The following RYR3 variants were observed in gnomAD, a reference collection of about 807,000 sequenced individuals.
The protein encoded by RYR3 is brain ryanodine receptor-calcium release channel.
RYR3 carries 207 observed loss-of-function variants against 584.3 expected under a neutral mutation model. The ratio of observed to expected loss-of-function variants is 0.35; its 90% CI spans 0.32 to 0.40. The LOEUF (loss-of-function observed/expected upper bound fraction) is 0.40, where lower values mean the gene tolerates loss of function less well. Ranked by LOEUF, RYR3 falls within the 10% of genes least tolerant of loss-of-function variation. RYR3 has a pLI of 1.00. For missense variants in RYR3, 5,616 were observed against 6,089.2 expected, an observed-to-expected ratio of 0.92 and a Z score of 2.59; for synonymous variants, 2,416 against 2,248.5, an observed-to-expected ratio of 1.07 and a Z score of -2.11.
Position 33,412,148 on chromosome 15 carries a change from A to G in RYR3, c.52-61271A>G, listed in dbSNP as rs2043455437. On this transcript the variant is annotated intron_variant, in intron 1 of 103. Coordinates refer to ENST00000634891, the MANE Select transcript of RYR3 (RefSeq NM_001036.6). The surrounding 1 kb of genome is among the most constrained non-coding windows in gnomAD (Gnocchi z 4.3). ...CTTAGGCGAGTAAGAGATTATAAAT[A>G]TTATCATTGAAATGAGGTAGGCTTA... Among the ~76,000 whole-genome samples the G allele has an allele frequency of 6.6e-6, 1 of 152,152 alleles. No individual in the cohort carries two copies. The highest frequency in any genetic ancestry group is 2.4e-5 in the African/African-American group (1 of 41,430).
chr15:33,812,086 G>A (rs1481555109), intron 72 of RYR3, among the ~76,000 whole-genome samples: 1 of 152,102 alleles, frequency 6.6e-6, no homozygotes, highest in Non-Finnish European at 1.5e-5. Context: ...AGAGGAGTGT[G>A]GGACCTAATT....
chr15:33,803,993 C>T (rs1482497018), intron 69 of RYR3, among the ~76,000 whole-genome samples: 1 of 152,172 alleles, frequency 6.6e-6, no homozygotes, highest in East Asian at 1.9e-4. Flanking sequence ...TGCTCAAGGT[C>T]CTTGGGTTTA....
At chr15:33,416,595 TCA>T (rs1567194789) in intron 1 of RYR3, among the ~76,000 whole-genome samples, 1 of 152,234 alleles carries the variant, frequency 6.6e-6, no homozygotes, top group Admixed American at 6.5e-5. Flanking sequence ...TAGTCCTTTG[TCA>T]GATGCACAGT....
intron 30 of RYR3, among the ~76,000 whole-genome samples, chr15:33,647,988 CAAAAAA>C (rs3085194): frequency 2.0e-5 from 2 of 98,326 alleles, no homozygotes; most frequent in Non-Finnish European, 2.0e-5. Context: ...TAGCATCTGG[CAAAAAA>C]AAAAAAAAAA....
intron 38 of RYR3, among the ~76,000 whole-genome samples, chr15:33,686,717 G>T (rs2065035916): frequency 6.6e-6 from 1 of 152,104 alleles, no homozygotes; most frequent in Non-Finnish European, 1.5e-5. Context: ...ACATCAAAAA[G>T]CTTATCCAAT....
intron 3 of RYR3, among the ~76,000 whole-genome samples, chr15:33,515,057 A>G (rs1038462872): frequency 6.6e-6 from 1 of 152,198 alleles, no homozygotes; most frequent in Non-Finnish European, 1.5e-5. Context: ...TACATAATGT[A>G]CCTAGTTTCA....
At chr15:33,315,996 C>T (rs1968119128) in intron 1 of RYR3, among the ~76,000 whole-genome samples, 1 of 151,886 alleles carries the variant, frequency 6.6e-6, no homozygotes, top group African/African-American at 2.4e-5. Context: ...TCTTATGCTA[C>T]TATGATTATT....
intron 1 of RYR3, among the ~76,000 whole-genome samples, chr15:33,346,969 T>G (rs1972536906): frequency 6.6e-6 from 1 of 152,122 alleles, no homozygotes; most frequent in African/African-American, 2.4e-5. Flanking sequence ...CTGGGCATGG[T>G]GGTGGACAGA....
Position 33,838,653 on chromosome 15 carries a change from A to C in RYR3, c.12673A>C (p.Asn4225His). Residue 4225 changes from asparagine (N) to histidine (H), a missense_variant, in exon 89 of 104, where the codon AAC becomes CAC. Around this residue, in one of 9 missense-constraint regions of RYR3, gnomAD observed 918 missense variants for 887.4 expected, o/e 1.03. Transcript: ENST00000634891. The part of the protein sequence containing the change: ...FGGGLVEGAK[N>H]IRVTKILGDM... ...AGGGGGCCTGGTAGAAGGGGCAAAG[A>C]ACATCAGAGTGACCAAGATCCTGGG... 1 of 1,613,958 alleles carries C rather than the reference A, an allele frequency of 6.2e-7. No individual in the cohort carries two copies. Among genetic ancestry groups the C allele is most frequent in the Non-Finnish European group, 8.5e-7 (1 of 1,179,876 alleles).
Position 33,694,467 on chromosome 15 carries a change from T to A in RYR3, c.5861-1751T>A, listed in dbSNP as rs944950815. 9.9e-5 allele frequency among the ~76,000 whole-genome samples: 15 copies of A among 152,192 alleles called. No homozygotes were observed. In the East Asian group the frequency reaches 2.3e-3, roughly 24 times the overall value. ...CACCGTGTTAGCCAGGATAGTCTCC[T>A]TCTCCTGACCTCGTGATCCACCCAC... On this transcript the variant is annotated intron_variant, in intron 38 of 103. Transcript: ENST00000634891.
chr15:33,820,673 C>T (rs1407758239), intron 77 of RYR3, 83 bp from the exon 78 acceptor site: 8 of 1,240,818 alleles, frequency 6.4e-6, no homozygotes, highest in Middle Eastern at 1.9e-4. Flanking sequence ...CGTCCTGTCC[C>T]CTGCCCTTGT....
At chr15:33,315,430 A>G (rs989860176) in intron 1 of RYR3, among the ~76,000 whole-genome samples, 1 of 152,188 alleles carries the variant, frequency 6.6e-6, no homozygotes, top group Non-Finnish European at 1.5e-5. Flanking sequence ...CAATGGAGGT[A>G]GTGCTAAAAT....
chr15:33,426,287 ATTTT>A (rs757278733), intron 1 of RYR3, among the ~76,000 whole-genome samples: 1 of 152,022 alleles, frequency 6.6e-6, no homozygotes, highest in African/African-American at 2.4e-5. Flanking sequence ...AAAAATGTTA[ATTTT>A]TTTTAAGAAA....
chr15:33,561,583 G>A (rs1454574228), intron 10 of RYR3, among the ~76,000 whole-genome samples: 3 of 152,158 alleles, frequency 2.0e-5, no homozygotes, highest in Admixed American at 6.5e-5. Flanking sequence ...GCATGGTAAT[G>A]ACGCAATACA....
chr15:33,447,003 C>T (rs979269299), intron 1 of RYR3, among the ~76,000 whole-genome samples: 25 of 152,216 alleles, frequency 1.6e-4, no homozygotes, highest in Non-Finnish European at 1.2e-4. Context: ...TTGTAGAGTG[C>T]GTCTCACCCT....
intron 43 of RYR3, among the ~76,000 whole-genome samples, chr15:33,711,701 A>G (rs1323045638): frequency 6.6e-6 from 1 of 152,160 alleles, no homozygotes. Context: ...CTTTGCTCCA[A>G]TTCCAAATAA....
chr15:33,662,012 G>A (rs1003625628), intron 34 of RYR3, 141 bp from the exon 35 acceptor site: 1 of 638,756 alleles, frequency 1.6e-6, no homozygotes, highest in East Asian at 2.8e-5. Context: ...GCTGAGAGAG[G>A]CATGATAAGC....
chr15:33,646,879 T>C (rs1174879657), intron 29 of RYR3, among the ~76,000 whole-genome samples: 28 of 152,204 alleles, frequency 1.8e-4, no homozygotes. Context: ...AATTAGAAGT[T>C]TCTGGAGGCA....
At position 33,614,985 on chromosome 15, in the gene RYR3, TTCCTC is replaced by T. The variant is rs532655581; in HGVS notation, c.2357+1611_2357+1615del. Among the ~76,000 whole-genome samples the T allele has an allele frequency of 2.3e-3, 351 of 152,300 alleles. 1 individual carries two copies. Among genetic ancestry groups the T allele is most frequent in the Non-Finnish European group, 3.1e-3 (209 of 68,028 alleles). ...ATACTATTGCTATTTCTCTGCCTCTTTCCTCGTACCTACCAGTTGGATGCTATTTT... is the reference window on the plus strand; with the variant it reads ...ATACTATTGCTATTTCTCTGCCTCTTGTACCTACCAGTTGGATGCTATTTT... On this transcript the variant is annotated intron_variant, in intron 19 of 103. Coordinates refer to ENST00000634891, the MANE Select transcript of RYR3 (RefSeq NM_001036.6).
Sources: gnomAD v4.1 joint callset for allele counts (sites outside exome capture counted in the v4.1 genomes callset) on GRCh38, gnomAD v4.1.1 for gene constraint, gnomAD v4.1.1 regional missense constraint, Gnocchi (gnomAD v3.1) non-coding constraint, MANE v1.5 for transcripts, NCBI Gene and HGNC (gene_info 2026-07-23, HGNC 2026-07-21) for gene names.